Variants in LRP1B observed in about 807,000 individuals in gnomAD.
LRP1B encodes the protein LDL receptor related protein 1B.
In LRP1B, 217 loss-of-function variants were observed where a neutral mutation model predicts 556.6. The ratio of observed to expected loss-of-function variants is 0.39; its 90% CI spans 0.35 to 0.44. The LOEUF (loss-of-function observed/expected upper bound fraction) is 0.44, where lower values mean the gene tolerates loss of function less well. Ranked by LOEUF, LRP1B falls within the 20% of genes least tolerant of loss-of-function variation. The pLI is 1.00. For synonymous variants in LRP1B, 2,047 were observed against 1,865.8 expected (o/e 1.10, Z -2.50); for missense variants, 5,053 against 5,620.8 (o/e 0.90, Z 3.23).
chr2:141,601,789 G>A (rs1687754255), intron 2 of LRP1B, among the ~76,000 whole-genome samples: 1 of 151,990 alleles, frequency 6.6e-6, no homozygotes, highest in Non-Finnish European at 1.5e-5. Flanking sequence ...TTTTAGTAGA[G>A]ACAGGGTTTC....
At chr2:140,328,034 G>C (rs146897561) in intron 79 of LRP1B, among the ~76,000 whole-genome samples, 42 of 151,966 alleles carry the variant, frequency 2.8e-4, no homozygotes, top group Non-Finnish European at 5.0e-4. Context: ...TCCTGTTACA[G>C]AGATGAGAAT....
chr2:140,340,989 G>A (rs1021849705), intron 77 of LRP1B, among the ~76,000 whole-genome samples: 3 of 151,606 alleles, frequency 2.0e-5, no homozygotes, highest in African/African-American at 4.8e-5. Context: ...AGAGGATGAA[G>A]ACAGTAACAA....
At chr2:140,596,016 C>T (rs1422123267) in intron 43 of LRP1B, among the ~76,000 whole-genome samples, 1 of 152,080 alleles carries the variant, frequency 6.6e-6, no homozygotes, top group Non-Finnish European at 1.5e-5. Context: ...CCTGATTGCA[C>T]TATTTGTCAC....
At chr2:141,164,219 G>T (rs1033284) in intron 7 of LRP1B, among the ~76,000 whole-genome samples, 2 of 151,678 alleles carry the variant, frequency 1.3e-5, no homozygotes, top group South Asian at 4.2e-4. Context: ...TTGAAGAGCC[G>T]TAAGAACTAA....
chr2:141,373,952 G>A (rs956427348), intron 3 of LRP1B, among the ~76,000 whole-genome samples: 15 of 151,578 alleles, frequency 9.9e-5, no homozygotes, highest in African/African-American at 2.9e-4. Flanking sequence ...TAAAACCTGC[G>A]AGTTTTATAT....
intron 77 of LRP1B, among the ~76,000 whole-genome samples, chr2:140,346,771 A>T (rs74779052): frequency 0.02 from 3,080 of 152,084 alleles, 33 homozygotes; most frequent in African/African-American, 0.028. Context: ...AGGTTTATAA[A>T]TAGAACTTCA....
rs572663790 is a variant in LRP1B, at chr2:141,485,976, G to C, written c.206-5443C>G. Among the ~76,000 whole-genome samples, 14 of 152,208 alleles carry C rather than the reference G, an allele frequency of 9.2e-5. 1 individual carries two copies. In the South Asian group the frequency reaches 2.9e-3, roughly 32 times the overall value. ...GGAGTTGGGAGGGACCTGGGACAGG[G>C]GCGAGGTGACCAGGTAGTGTAGGAC... On this transcript the variant is annotated intron_variant, in intron 2 of 90. Transcript: ENST00000389484.
intron 82 of LRP1B, among the ~76,000 whole-genome samples, chr2:140,316,181 A>G (rs1684512762): frequency 6.6e-6 from 1 of 152,164 alleles, no homozygotes; most frequent in Non-Finnish European, 1.5e-5. Context: ...GTTCAATGGA[A>G]CAAAACTGAT....
At chr2:140,536,778 AT>A in intron 45 of LRP1B, 69 bp from the exon 46 acceptor site, 2 of 1,131,110 alleles carry the variant, frequency 1.8e-6, no homozygotes, top group Non-Finnish European at 2.5e-6. Context: ...CACTACAATT[AT>A]TTTTCTTAAT....
intron 1 of LRP1B, among the ~76,000 whole-genome samples, chr2:142,107,869 C>G (rs919483036): frequency 2.8e-5 from 4 of 144,592 alleles, no homozygotes; most frequent in African/African-American, 1.0e-4. Context: ...TGGTCTTGAA[C>G]TCCTGACCTC....
chr2:141,843,602 A>G (rs1016487433), intron 1 of LRP1B, among the ~76,000 whole-genome samples: 2 of 152,184 alleles, frequency 1.3e-5, no homozygotes, highest in Non-Finnish European at 2.9e-5. Flanking sequence ...TAGCTCAATA[A>G]TACAATTAGA....
At chr2:141,290,813 A>G (rs1280842589) in intron 3 of LRP1B, among the ~76,000 whole-genome samples, 1 of 152,156 alleles carries the variant, frequency 6.6e-6, no homozygotes, top group Non-Finnish European at 1.5e-5. Flanking sequence ...TTTACTATGT[A>G]GCTGGTGATT....
At chr2:140,779,844 C>T (rs949017095) in intron 32 of LRP1B, among the ~76,000 whole-genome samples, 2 of 150,190 alleles carry the variant, frequency 1.3e-5, no homozygotes, top group East Asian at 3.9e-4. Context: ...CTTTCTTAAA[C>T]AGAAACTGAA....
At chr2:141,873,471 G>T (rs997910181) in intron 1 of LRP1B, among the ~76,000 whole-genome samples, 1 of 151,914 alleles carries the variant, frequency 6.6e-6, no homozygotes, top group Non-Finnish European at 1.5e-5. Context: ...TGGGAGAAGA[G>T]AAATAGAAAT....
At chr2:140,781,716 T>C (rs977310362) in intron 32 of LRP1B, among the ~76,000 whole-genome samples, 1 of 152,224 alleles carries the variant, frequency 6.6e-6, no homozygotes, top group Non-Finnish European at 1.5e-5. Flanking sequence ...TCCATACATA[T>C]GTCTTCACAT....
At chr2:140,409,277 G>GT (rs1558862619) in intron 66 of LRP1B, among the ~76,000 whole-genome samples, 3 of 151,904 alleles carry the variant, frequency 2.0e-5, no homozygotes, top group Admixed American at 2.0e-4. Context: ...TATAAAGTCG[G>GT]TGATGTGATA....
chr2:140,482,899 A>G (rs986831710), intron 59 of LRP1B, among the ~76,000 whole-genome samples: 1 of 152,202 alleles, frequency 6.6e-6, no homozygotes, highest in Non-Finnish European at 1.5e-5. Flanking sequence ...CGCAGTGGCA[A>G]TCTGATATAG....
intron 27 of LRP1B, among the ~76,000 whole-genome samples, chr2:140,861,121 A>C (rs1476967972): frequency 6.6e-6 from 1 of 152,098 alleles, no homozygotes; most frequent in Non-Finnish European, 1.5e-5. Context: ...AAAGAGACTA[A>C]TGTGGCCGGG....
chr2:141,545,812 A>T (rs1210695626), intron 2 of LRP1B, among the ~76,000 whole-genome samples: 1 of 152,160 alleles, frequency 6.6e-6, no homozygotes, highest in Non-Finnish European at 1.5e-5. Flanking sequence ...GAGAGAAGGA[A>T]TGAGAGCAGC....
Sources: allele counts gnomAD v4.1 joint callset (sites outside exome capture counted in the v4.1 genomes callset), GRCh38; gene constraint gnomAD v4.1.1; transcripts MANE v1.5; gene names NCBI Gene and HGNC (gene_info 2026-07-23, HGNC 2026-07-21).